Variants in ATXN7L1 observed in about 807,000 individuals in gnomAD.
ATXN7L1 encodes ataxin-7-like protein 1.
A neutral mutation model predicts 70.8 loss-of-function variants in ATXN7L1; 15 were observed. The observed-to-expected ratio is 0.21, with a 90% confidence interval of 0.14 to 0.33. The LOEUF (loss-of-function observed/expected upper bound fraction) is 0.33. ATXN7L1 is among the 10% of genes least tolerant of loss of function. The probability of loss-of-function intolerance (pLI) is 1.00; values close to 1 mark genes in which losing one functional copy is unlikely to be tolerated. For missense variants in ATXN7L1, 975 were observed against 1,097.1 expected (o/e 0.89, Z 1.57); for synonymous variants, 440 against 445.1 (o/e 0.99, Z 0.14).
At chr7:105,865,338 C>G (rs538356447) in intron 2 of ATXN7L1, among the ~76,000 whole-genome samples, 2 of 152,192 alleles carry the variant, frequency 1.3e-5, no homozygotes, top group Non-Finnish European at 2.9e-5. Context: ...AACTCCCAAG[C>G]CTGCAATGCC....
intron 2 of ATXN7L1, chr7:105,820,028 C>T (rs948784134): frequency 9.5e-6 from 4 of 420,490 alleles, no homozygotes; most frequent in East Asian, 1.3e-4. Context: ...CTATGGAAAC[C>T]GGGTGAAAAG....
chr7:105,777,321 G>A (rs1304490408), intron 3 of ATXN7L1, among the ~76,000 whole-genome samples: 2 of 152,066 alleles, frequency 1.3e-5, no homozygotes, highest in African/African-American at 4.8e-5. Flanking sequence ...ATCTGTCCTT[G>A]GAAAAAAATC....
At chr7:105,647,034 T>G (rs1799150525) in intron 4 of ATXN7L1, among the ~76,000 whole-genome samples, 1 of 152,184 alleles carries the variant, frequency 6.6e-6, no homozygotes, top group Non-Finnish European at 1.5e-5. Context: ...GACTTTTATT[T>G]CTTTAGGGAA....
chr7:105,840,031 G>A (rs565881028), intron 2 of ATXN7L1, among the ~76,000 whole-genome samples: 11 of 152,300 alleles, frequency 7.2e-5, no homozygotes, highest in African/African-American at 2.6e-4. Context: ...GGTGGACCAA[G>A]GCAGCAGTCA....
At chr7:105,803,079 A>G (rs1027320427) in intron 2 of ATXN7L1, among the ~76,000 whole-genome samples, 1 of 152,232 alleles carries the variant, frequency 6.6e-6, no homozygotes, top group Non-Finnish European at 1.5e-5. Context: ...ACTTTGTCCC[A>G]CATCTACTTT....
At chr7:105,852,380 A>C (rs1193177845) in intron 2 of ATXN7L1, among the ~76,000 whole-genome samples, 1 of 152,154 alleles carries the variant, frequency 6.6e-6, no homozygotes, top group Non-Finnish European at 1.5e-5. Context: ...TCTGCCCAGC[A>C]ATCTGCTGCC....
At chr7:105,662,027 TTTCCTTCC>T (rs1231104302) in intron 4 of ATXN7L1, among the ~76,000 whole-genome samples, 49 of 48,878 alleles carry the variant, frequency 1.0e-3, no homozygotes, top group Middle Eastern at 8.6e-3. Context: ...TCTTTCTTTC[TTTCCTTCC>T]TTCCTTCCTT....
intron 5 of ATXN7L1, among the ~76,000 whole-genome samples, chr7:105,640,478 GA>G (rs1345885306): frequency 6.6e-6 from 1 of 152,218 alleles, no homozygotes; most frequent in African/African-American, 2.4e-5. Flanking sequence ...CCCCTGCCAG[GA>G]AGACAATCAT....
At chr7:105,692,416 TCCTTCCTTCCTCCCTC>T (rs1407611417) in intron 3 of ATXN7L1, among the ~76,000 whole-genome samples, 12 of 135,016 alleles carry the variant, frequency 8.9e-5, no homozygotes, top group African/African-American at 3.4e-4. Context: ...CTTCCTTCCT[TCCTTCCTTCCTCCCTC>T]CCTCCCTCCC....
chr7:105,804,095 G>A (rs145689590), intron 2 of ATXN7L1, among the ~76,000 whole-genome samples: 2 of 152,316 alleles, frequency 1.3e-5, no homozygotes, highest in Non-Finnish European at 2.9e-5. Context: ...ACCTGGCCAA[G>A]CTCCAGAGGC....
At chr7:105,620,077 A>C (rs2115785641) in intron 9 of ATXN7L1, 123 bp downstream of exon 9, 1 of 1,259,182 alleles carries the variant, frequency 7.9e-7, no homozygotes, top group East Asian at 2.6e-5. Flanking sequence ...TTAATCAAGC[A>C]TCCTGACTTC....
intron 2 of ATXN7L1, among the ~76,000 whole-genome samples, chr7:105,817,714 CGA>C (rs1187926470): frequency 6.6e-6 from 1 of 152,092 alleles, no homozygotes; most frequent in African/African-American, 2.4e-5. Flanking sequence ...GCTGGGAATT[CGA>C]GATCAGCCTG....
intron 3 of ATXN7L1, among the ~76,000 whole-genome samples, chr7:105,723,820 G>A (rs538799384): frequency 8.5e-5 from 13 of 152,262 alleles, no homozygotes; most frequent in East Asian, 3.9e-4. Context: ...TAACAGGGCC[G>A]CCAGGGTCAG....
intron 6 of ATXN7L1, 141 bp from the exon 7 acceptor site, chr7:105,638,750 C>T (rs1257570896): frequency 8.8e-7 from 1 of 1,132,088 alleles, no homozygotes; most frequent in Non-Finnish European, 1.2e-6. Context: ...AGCTCCTGTT[C>T]TGTGGCTAGG....
At chr7:105,762,752 A>T (rs1467078279) in intron 3 of ATXN7L1, among the ~76,000 whole-genome samples, 1 of 152,172 alleles carries the variant, frequency 6.6e-6, no homozygotes, top group Non-Finnish European at 1.5e-5. Context: ...TGTGGGCTGG[A>T]CTTAGAGACT....
intron 3 of ATXN7L1, among the ~76,000 whole-genome samples, chr7:105,783,087 C>T (rs990121971): frequency 4.6e-5 from 7 of 152,178 alleles, no homozygotes; most frequent in Non-Finnish European, 5.9e-5. Flanking sequence ...AATTGCCATC[C>T]TTATTTTATA....
chr7:105,687,246 C>A (rs1414472135), intron 3 of ATXN7L1, among the ~76,000 whole-genome samples: 1 of 152,206 alleles, frequency 6.6e-6, no homozygotes, highest in Non-Finnish European at 1.5e-5. Flanking sequence ...GAGGTTCCTG[C>A]AATGTTCTGA....
chr7:105,836,494 G>C (rs1360034465), intron 2 of ATXN7L1, among the ~76,000 whole-genome samples: 3 of 152,150 alleles, frequency 2.0e-5, no homozygotes, highest in Non-Finnish European at 2.9e-5. Flanking sequence ...CCCAGCTGAG[G>C]GTGATGTTTC....
Position 105,665,099 on chromosome 7 carries a change from A to G in ATXN7L1, c.545T>C (p.Val182Ala). The G allele has an allele frequency of 6.4e-7, 1 of 1,551,536 alleles. No homozygotes were observed. Among genetic ancestry groups the G allele is most frequent in the Non-Finnish European group, 8.7e-7 (1 of 1,146,974 alleles). Residue 182 changes from valine to alanine, a missense_variant, in exon 4 of 12, where the codon GTC becomes GCC. This residue lies in a region of ATXN7L1 where 192 missense variants were observed against 215.5 expected (regional missense o/e 0.89). Transcript: ENST00000419735. ...ATCCCTTGATCCTTTCGCAGGAAAG[A>G]CTGTGTGCTGTTTGCTGCTGGAGGT... is the stretch of plus-strand genomic sequence containing the variant. ...LLTSSSKQHT[V>A]FPAKGSRDKP...
Sources: gnomAD v4.1 joint callset for allele counts (sites outside exome capture counted in the v4.1 genomes callset) on GRCh38, gnomAD v4.1.1 for gene constraint, gnomAD v4.1.1 regional missense constraint, MANE v1.5 for transcripts, NCBI Gene and HGNC (gene_info 2026-07-23, HGNC 2026-07-21) for gene names.